The following WWOX variants were observed in gnomAD, a reference collection of about 807,000 sequenced individuals.
The protein encoded by WWOX is WW domain-containing oxidoreductase.
WWOX carries 69 observed loss-of-function variants against 46.2 expected under a neutral mutation model. The observed-to-expected ratio is 1.49, with a 90% CI of 1.23 to 1.82. The LOEUF (loss-of-function observed/expected upper bound fraction) is 1.82, where lower values mean the gene tolerates loss of function less well. Among genes scored for constraint, WWOX ranks in the 40% most tolerant of loss-of-function variants. The pLI, the probability that WWOX is intolerant of heterozygous loss-of-function variation, is 0.00. For synonymous variants in WWOX, 359 were observed against 202.6 expected, an observed-to-expected ratio of 1.77 and a Z score of -6.56; for missense variants, 919 against 542.6, an observed-to-expected ratio of 1.69 and a Z score of -6.89.
At chr16:79,173,087 G>C (rs8049536) in intron 8 of WWOX, among the ~76,000 whole-genome samples, 78,720 of 152,054 alleles carry the variant, frequency 0.52, 21,242 homozygotes, top group East Asian at 0.85. Flanking sequence ...AGGATTCTCT[G>C]CAGAAGAATC....
chr16:78,665,829 C>T (rs1176123296), intron 8 of WWOX, among the ~76,000 whole-genome samples: 3 of 152,114 alleles, frequency 2.0e-5, no homozygotes, highest in South Asian at 2.1e-4. Flanking sequence ...GGATTACAGG[C>T]ATGCACCACC....
rs554072995 is a variant in WWOX, at chr16:78,407,136, A to C, written c.606-17734A>C. Among the ~76,000 whole-genome samples, 27 of 152,322 alleles carry C rather than the reference A, an allele frequency of 1.8e-4. No individual in the cohort carries two copies. In the South Asian group the frequency reaches 4.6e-3, roughly 26 times the overall value. ...TCATGAAACCAGCTCTAGCTATTTA[A>C]GCAGGGGTCAAACTTAGAATTCTAC... is the stretch of plus-strand genomic sequence containing the variant. On this transcript the variant is annotated intron_variant, in intron 6 of 8. Coordinates refer to ENST00000566780, the MANE Select transcript of WWOX (RefSeq NM_016373.4).
Position 78,311,722 on chromosome 16 carries a change from A to T in WWOX, c.517-75138A>T, listed in dbSNP as rs185942621. ...ACTTTAGTCTGGTTTATAATGCTTT[A>T]ATATTTTTTTGAAGGAAGAAAAATG... On this transcript the variant is annotated intron_variant, in intron 5 of 8. Transcript: ENST00000566780. 5.9e-5 allele frequency among the ~76,000 whole-genome samples: 9 copies of T among 152,232 alleles called. No homozygotes were observed. The East Asian group carries it at 1.7e-3, about 29-fold the overall frequency.
At chr16:79,067,947 C>T (rs1307548727) in intron 8 of WWOX, among the ~76,000 whole-genome samples, 1 of 152,170 alleles carries the variant, frequency 6.6e-6, no homozygotes, top group South Asian at 2.1e-4. Flanking sequence ...GCACCTAAAT[C>T]AGCCAATAAA....
At chr16:78,260,591 C>T (rs978342265) in intron 5 of WWOX, among the ~76,000 whole-genome samples, 2 of 150,968 alleles carry the variant, frequency 1.3e-5, no homozygotes, top group Non-Finnish European at 3.0e-5. Flanking sequence ...TCACTTGAAC[C>T]TGGGAGGTGG....
intron 8 of WWOX, among the ~76,000 whole-genome samples, chr16:78,864,413 G>A (rs2656636): frequency 0.18 from 27,651 of 151,882 alleles, 3,200 homozygotes; most frequent in Non-Finnish European, 0.26. Context: ...GACCACAGGC[G>A]CATGCCACCA....
chr16:79,142,733 C>A (rs534681859), intron 8 of WWOX, among the ~76,000 whole-genome samples: 25 of 152,234 alleles, frequency 1.6e-4, no homozygotes, highest in Non-Finnish European at 1.0e-4. Flanking sequence ...GGGTCTCATT[C>A]CGTTCCCTAG....
At chr16:78,567,032 A>G (rs1199205905) in intron 8 of WWOX, among the ~76,000 whole-genome samples, 4 of 142,490 alleles carry the variant, frequency 2.8e-5, no homozygotes, top group African/African-American at 1.1e-4. Context: ...GGCTGAAGTC[A>G]TACATTCATT....
At chr16:78,498,145 C>T (rs1210723742) in intron 8 of WWOX, among the ~76,000 whole-genome samples, 1 of 139,582 alleles carries the variant, frequency 7.2e-6, no homozygotes, top group East Asian at 2.1e-4. Flanking sequence ...GTGGAGCTTG[C>T]AGTGAGCCGA....
intron 8 of WWOX, among the ~76,000 whole-genome samples, chr16:79,066,251 C>G (rs979335704): frequency 6.6e-6 from 1 of 152,184 alleles, no homozygotes; most frequent in African/African-American, 2.4e-5. Context: ...ACCTTCCATA[C>G]CTCCTCTGGT....
intron 5 of WWOX, among the ~76,000 whole-genome samples, chr16:78,367,910 C>G (rs868691000): frequency 3.3e-5 from 5 of 152,078 alleles, no homozygotes; most frequent in Admixed American, 6.5e-5. Flanking sequence ...GTGCGTGACA[C>G]CACACCCCGC....
At chr16:78,973,595 GTC>G (rs1479852266) in intron 8 of WWOX, among the ~76,000 whole-genome samples, 3 of 151,998 alleles carry the variant, frequency 2.0e-5, no homozygotes, top group African/African-American at 7.3e-5. Flanking sequence ...TTCTGTCTCA[GTC>G]TCTCAAACTG....
intron 8 of WWOX, among the ~76,000 whole-genome samples, chr16:78,697,520 A>C (rs977296615): frequency 7.9e-5 from 12 of 152,300 alleles, no homozygotes; most frequent in African/African-American, 2.6e-4. Flanking sequence ...TACAAGGACT[A>C]ATATCCAGGA....
At chr16:78,156,233 C>T (rs559171601) in intron 4 of WWOX, among the ~76,000 whole-genome samples, 2 of 151,792 alleles carry the variant, frequency 1.3e-5, no homozygotes, top group African/African-American at 4.8e-5. Flanking sequence ...TCAGATGTGC[C>T]CTTTCTGGTA....
chr16:79,138,635 C>T (rs904368964), intron 8 of WWOX, among the ~76,000 whole-genome samples: 2 of 152,112 alleles, frequency 1.3e-5, no homozygotes, highest in African/African-American at 2.4e-5. Context: ...CTTTTTAACC[C>T]AACACTTAGA....
chr16:78,105,723 A>C (rs534763262), intron 1 of WWOX, among the ~76,000 whole-genome samples: 1 of 152,194 alleles, frequency 6.6e-6, no homozygotes, highest in Non-Finnish European at 1.5e-5. Flanking sequence ...TTCACCTTCT[A>C]AGGGCTGGGA....
In WWOX at chr16:78,819,107, G is replaced by A. The variant is rs150875807; in HGVS notation, c.1056+386355G>A. Among the ~76,000 whole-genome samples, 187 of 152,240 alleles carry A rather than the reference G, an allele frequency of 1.2e-3. 2 individuals carry two copies. The East Asian group carries it at 0.014, about 11-fold the overall frequency. On this transcript the variant is annotated intron_variant, in intron 8 of 8. Transcript: ENST00000566780. ...TCAGGTGTTCATTCCACAGAAAAGC[G>A]TTCACTCTTCTGCACTCTTTCTCAG...
Position 78,793,052 on chromosome 16 carries a change from C to G in WWOX, c.1056+360300C>G, listed in dbSNP as rs150877888. Reference sequence around the variant, plus strand: ...CCGCTGCCCCCTTTCTTTCTTTCATCTTATCTATATATCTGTATCTATATC... The same window carrying G: ...CCGCTGCCCCCTTTCTTTCTTTCATGTTATCTATATATCTGTATCTATATC... On this transcript the variant is annotated intron_variant, in intron 8 of 8. Transcript: ENST00000566780. 9.3e-3 allele frequency among the ~76,000 whole-genome samples: 1,423 copies of G among 152,244 alleles called. 10 individuals carry two copies. Among genetic ancestry groups the G allele is most frequent in the South Asian group, 0.017 (83 of 4,820 alleles).
At chr16:78,834,601 C>A (rs569887035) in intron 8 of WWOX, among the ~76,000 whole-genome samples, 1 of 152,290 alleles carries the variant, frequency 6.6e-6, no homozygotes, top group South Asian at 2.1e-4. Flanking sequence ...TCAGAAAGTA[C>A]AGCGTAGTTT....
Sources: gnomAD v4.1 joint callset for allele counts (sites outside exome capture counted in the v4.1 genomes callset) on GRCh38, gnomAD v4.1.1 for gene constraint, MANE v1.5 for transcripts, NCBI Gene and HGNC (gene_info 2026-07-23, HGNC 2026-07-21) for gene names.